Variants in CABCOCO1 observed in about 807,000 individuals in gnomAD.
CABCOCO1 encodes the protein ciliary-associated calcium-binding coiled-coil protein 1.
A neutral mutation model predicts 35.7 loss-of-function variants in CABCOCO1; 28 were observed. The ratio of observed to expected loss-of-function variants is 0.78; its 90% CI spans 0.58 to 1.07. The LOEUF (loss-of-function observed/expected upper bound fraction) is 1.07. Ranked by LOEUF, CABCOCO1 falls within the 50% of genes least tolerant of loss-of-function variation. The probability of loss-of-function intolerance (pLI) is 0.00; values close to 1 mark genes in which losing one functional copy is unlikely to be tolerated. For synonymous variants in CABCOCO1, 95 were observed against 100.1 expected, an observed-to-expected ratio of 0.95 and a Z score of 0.30; for missense variants, 326 against 309.2, an observed-to-expected ratio of 1.05 and a Z score of -0.41.
chr10:61,755,371 G>A (rs1423654448), intron 5 of CABCOCO1, among the ~76,000 whole-genome samples: 1 of 152,064 alleles, frequency 6.6e-6, no homozygotes, highest in African/African-American at 2.4e-5. Flanking sequence ...TCAAGGGGGG[G>A]AAAATAGTTA....
intron 5 of CABCOCO1, among the ~76,000 whole-genome samples, chr10:61,704,378 T>C (rs1840544302): frequency 6.6e-6 from 1 of 152,200 alleles, no homozygotes; most frequent in African/African-American, 2.4e-5. Flanking sequence ...ATAAAAAACC[T>C]GTGGCTTCCA....
rs763544681 is a variant in CABCOCO1, at chr10:61,760,071, G to T, written c.565G>T (p.Val189Phe). 2 of 1,612,658 alleles carry T rather than the reference G, an allele frequency of 1.2e-6. No individual in the cohort carries two copies. Among genetic ancestry groups the T allele is most frequent in the Non-Finnish European group, 1.7e-6 (2 of 1,179,228 alleles). The change falls in exon 6 of 8, where the codon GTT (valine) becomes TTT (phenylalanine). Residue 189 changes from valine to phenylalanine, a missense_variant. Physicochemically the swap from Val to Phe is conservative, Grantham distance 50. Coordinates refer to ENST00000648843, the MANE Select transcript of CABCOCO1 (RefSeq NM_001366906.2). ...IVIGTEQVIE[V>F]VKSACGPFPN... ...TTCTTCCCATCAGCAAGTGATAGAGGTTGTCAAGTCTGCATGTGGCCCTTT... is the reference window on the plus strand; with the variant it reads ...TTCTTCCCATCAGCAAGTGATAGAGTTTGTCAAGTCTGCATGTGGCCCTTT...
intron 5 of CABCOCO1, among the ~76,000 whole-genome samples, chr10:61,735,867 C>G (rs76988224): frequency 6.6e-6 from 1 of 152,066 alleles, no homozygotes; most frequent in Non-Finnish European, 1.5e-5. Context: ...AGCTGAATCA[C>G]CTGAAGCGCT....
At chr10:61,669,531 G>C (rs1831828774) in intron 1 of CABCOCO1, among the ~76,000 whole-genome samples, 1 of 151,836 alleles carries the variant, frequency 6.6e-6, no homozygotes, top group African/African-American at 2.4e-5. Flanking sequence ...AACATTTTTA[G>C]CCATCTGATA....
At chr10:61,666,933 A>T (rs1839192649) in intron 1 of CABCOCO1, among the ~76,000 whole-genome samples, 1 of 138,226 alleles carries the variant, frequency 7.2e-6, no homozygotes, top group Non-Finnish European at 1.5e-5. Context: ...TATTATATAT[A>T]AATATAATTA....
intron 2 of CABCOCO1, among the ~76,000 whole-genome samples, chr10:61,673,715 C>A (rs761492894): frequency 3.9e-5 from 6 of 152,182 alleles, no homozygotes; most frequent in Non-Finnish European, 8.8e-5. Flanking sequence ...TCAGCTCTAG[C>A]GCTGGCAACC....
chr10:61,693,175 T>C (rs546457705), intron 5 of CABCOCO1, among the ~76,000 whole-genome samples: 1 of 152,230 alleles, frequency 6.6e-6, no homozygotes, highest in Admixed American at 6.5e-5. Context: ...AAAAAATCTT[T>C]AAGAGAATGA....
intron 1 of CABCOCO1, among the ~76,000 whole-genome samples, chr10:61,671,685 C>T (rs1398980923): frequency 2.0e-5 from 3 of 152,168 alleles, no homozygotes; most frequent in Non-Finnish European, 2.9e-5. Context: ...AGCAGCCCAA[C>T]GCTTCATCCC....
chr10:61,720,265 G>C (rs1012296544), intron 5 of CABCOCO1, among the ~76,000 whole-genome samples: 3 of 141,668 alleles, frequency 2.1e-5, no homozygotes, highest in Admixed American at 7.7e-5. Flanking sequence ...ACCAACAAAG[G>C]AAGAGGTAAA....
At chr10:61,741,429 T>C (rs1157605193) in intron 5 of CABCOCO1, among the ~76,000 whole-genome samples, 1 of 152,188 alleles carries the variant, frequency 6.6e-6, no homozygotes, top group Non-Finnish European at 1.5e-5. Context: ...GAGTGCCACC[T>C]ATTTAAGGAG....
chr10:61,681,142 G>A lies in CABCOCO1; in HGVS notation c.165-1G>A. ...ATGTGGATTTTTGTTTTATTTTACAGAAAACTGAGAATATTTTTGAATTTC... is the reference window on the plus strand; with the variant it reads ...ATGTGGATTTTTGTTTTATTTTACAAAAAACTGAGAATATTTTTGAATTTC... On this transcript the variant is annotated splice_acceptor_variant, in intron 2 of 7. Coordinates refer to ENST00000648843, the MANE Select transcript of CABCOCO1 (RefSeq NM_001366906.2). LOFTEE classifies it high-confidence loss of function. 7.0e-7 allele frequency: 1 copy of A among 1,426,816 alleles called. No individual in the cohort carries two copies. The highest frequency in any genetic ancestry group is 9.4e-7 in the Non-Finnish European group (1 of 1,067,092). 88.4% of individuals were successfully genotyped at this position (1,426,816 alleles called of 1,614,324 possible). A position where few individuals can be genotyped will look rare whatever the true frequency, so the allele number is the denominator to read the frequency against.
intron 1 of CABCOCO1, among the ~76,000 whole-genome samples, chr10:61,669,698 C>T (rs1839300575): frequency 1.3e-5 from 2 of 151,992 alleles, no homozygotes; most frequent in Non-Finnish European, 2.9e-5. Flanking sequence ...AAGAATGAGG[C>T]TCTAATATTA....
At chr10:61,743,242 T>C (rs1024609443) in intron 5 of CABCOCO1, among the ~76,000 whole-genome samples, 1 of 152,206 alleles carries the variant, frequency 6.6e-6, no homozygotes, top group African/African-American at 2.4e-5. Context: ...TGGATATTAC[T>C]TGGACATATG....
intron 5 of CABCOCO1, among the ~76,000 whole-genome samples, chr10:61,708,313 A>C (rs925026753): frequency 6.6e-6 from 1 of 151,680 alleles, no homozygotes; most frequent in African/African-American, 2.4e-5. Flanking sequence ...TTTACATTTC[A>C]CGTCTTCATT....
chr10:61,755,339 T>C (rs559847600), intron 5 of CABCOCO1, among the ~76,000 whole-genome samples: 1 of 152,240 alleles, frequency 6.6e-6, no homozygotes, highest in Admixed American at 6.6e-5. Flanking sequence ...TAATTAGACT[T>C]GCAAATGAGT....
chr10:61,706,468 G>A lies in CABCOCO1; in HGVS notation c.552+15847G>A, dbSNP rs140348794. 2.3e-3 allele frequency among the ~76,000 whole-genome samples: 353 copies of A among 152,166 alleles called. 2 individuals are homozygous for A. Among genetic ancestry groups the A allele is most frequent in the Non-Finnish European group, 3.4e-3 (228 of 68,006 alleles). On this transcript the variant is annotated intron_variant, in intron 5 of 7. Transcript: ENST00000648843. ...TGAATTCTGAATATTTAATTGTTCC[G>A]CTTTCACAAAATGAATGCAGTCACC...
At chr10:61,757,469 G>A (rs1464082323) in intron 5 of CABCOCO1, among the ~76,000 whole-genome samples, 1 of 151,976 alleles carries the variant, frequency 6.6e-6, no homozygotes, top group Non-Finnish European at 1.5e-5. Context: ...TTCACTAATA[G>A]TATGCAAAAC....
intron 5 of CABCOCO1, among the ~76,000 whole-genome samples, chr10:61,716,823 T>C (rs1840879792): frequency 6.6e-6 from 1 of 152,252 alleles, no homozygotes; most frequent in Non-Finnish European, 1.5e-5. Context: ...ATTTAATAAG[T>C]GAAGATTGTA....
At chr10:61,667,173 AT>A (rs1237562727) in intron 1 of CABCOCO1, among the ~76,000 whole-genome samples, 1 of 145,616 alleles carries the variant, frequency 6.9e-6, no homozygotes, top group African/African-American at 2.5e-5. Context: ...TTATATAAAC[AT>A]TTTACATATT....
Sources: gnomAD v4.1 joint callset for allele counts (sites outside exome capture counted in the v4.1 genomes callset) on GRCh38, gnomAD v4.1.1 for gene constraint, MANE v1.5 for transcripts, NCBI Gene and HGNC (gene_info 2026-07-23, HGNC 2026-07-21) for gene names.